The following ASMTL variants were observed in gnomAD, a reference collection of about 807,000 sequenced individuals.
The protein encoded by ASMTL is acetylserotonin O-methyltransferase like, also known as probable bifunctional dTTP/UTP pyrophosphatase/methyltransferase protein.
Under a neutral mutation model 60.3 loss-of-function variants are expected in ASMTL, and 57 were observed. That is an observed-to-expected ratio of 0.95 (90% CI 0.76 to 1.18). ASMTL has a LOEUF of 1.18. Among genes scored for constraint, ASMTL ranks in the 50% most tolerant of loss-of-function variants. The pLI, the probability that ASMTL is intolerant of heterozygous loss-of-function variation, is 0.00. For missense variants in ASMTL, 981 were observed against 852.6 expected (o/e 1.15, Z -1.88); for synonymous variants, 419 against 373.0 (o/e 1.12, Z -1.42).
chrX:1,418,040 G>A lies in ASMTL; in HGVS notation c.1455C>T (p.Asp485=). 1 of 1,613,654 alleles carries A rather than the reference G, an allele frequency of 6.2e-7. No homozygotes were observed. Among genetic ancestry groups the A allele is most frequent in the Non-Finnish European group, 8.5e-7 (1 of 1,179,688 alleles). ...RMQVTVFDLP[D]IIELAAHFQP... Reference sequence around the variant, plus strand: ...GGAAGTGGGCGGCCAGCTCGATAATGTCTGGGAGGTCAAACACAGTCACCT... The same window carrying A: ...GGAAGTGGGCGGCCAGCTCGATAATATCTGGGAGGTCAAACACAGTCACCT... Residue 485 remains aspartate (D), a synonymous_variant, in exon 11 of 13, where the codon GAC becomes GAT. Coordinates refer to ENST00000381317, the MANE Select transcript of ASMTL (RefSeq NM_004192.4).
Position 1,442,312 on chromosome X carries a change from G to A in ASMTL, c.99C>T (p.Leu33=). Residue 33 remains leucine, a synonymous_variant, in exon 2 of 13, where the codon CTC becomes CTT. Transcript: ENST00000381317. Reference sequence around the variant, plus strand: ...ACTTGGAGGGGACCACCTCAAACCTGAGACCCTGCAACAGTAGAAAAGGGG... The same window carrying A: ...ACTTGGAGGGGACCACCTCAAACCTAAGACCCTGCAACAGTAGAAAAGGGG... ...RRQEILSNAG[L]RFEVVPSKFK... 1.2e-6 allele frequency: 2 copies of A among 1,613,830 alleles called. No homozygotes were observed. Among genetic ancestry groups the A allele is most frequent in the Non-Finnish European group, 1.7e-6 (2 of 1,179,850 alleles).
chrX:1,403,591 C>T lies in ASMTL; in HGVS notation c.1646-102G>A. On this transcript the variant is annotated intron_variant, in intron 12 of 12. Transcript: ENST00000381317. ...GGCAACAGGAGCTCAGAACGGTGAG[C>T]AGAGGCTGCTGAGAACCCTTGGCCA... The T allele has an allele frequency of 1.2e-5, 13 of 1,106,820 alleles. No homozygotes were observed. In the South Asian group the frequency reaches 1.6e-4, roughly 13 times the overall value. 68.6% of individuals were successfully genotyped at this position (1,106,820 alleles called of 1,614,324 possible). A position where few individuals can be genotyped will look rare whatever the true frequency, so the allele number is the denominator to read the frequency against.
At chrX:1,450,037 CCCATCACCAGTAACTATCCTT>C (rs1217318887) in intron 1 of ASMTL, among the ~76,000 whole-genome samples, 29 of 150,924 alleles carry the variant, frequency 1.9e-4, no homozygotes, top group African/African-American at 5.6e-4. Flanking sequence ...GTAACTATCC[CCCATCACCAGTAACTATCCTT>C]CCATCACCAG....
At chrX:1,414,637 A>G (rs2090165491) in intron 11 of ASMTL, among the ~76,000 whole-genome samples, 1 of 151,950 alleles carries the variant, frequency 6.6e-6, no homozygotes, top group African/African-American at 2.4e-5. Context: ...GAACCCAGGA[A>G]GTGGAGGTTG....
intron 1 of ASMTL, 75 bp from the exon 2 acceptor site, chrX:1,442,392 C>A: frequency 6.4e-7 from 1 of 1,552,888 alleles, no homozygotes; most frequent in Non-Finnish European, 8.9e-7. Flanking sequence ...GCAAGATTTG[C>A]AGGACGCACA....
In ASMTL at chrX:1,416,880, C is replaced by T. The variant is rs1456001268; in HGVS notation, c.1522+1093G>A. ...ACATGTACACATATATCCACAGACA[C>T]GCAGACACACATACCCTCAGAGACA... On this transcript the variant is annotated intron_variant, in intron 11 of 12. Transcript: ENST00000381317. Among the ~76,000 whole-genome samples the T allele has an allele frequency of 6.0e-5, 9 of 151,166 alleles. No homozygotes were observed. In the South Asian group the frequency reaches 6.3e-4, roughly 11 times the overall value.
In ASMTL at chrX:1,452,418, C is replaced by T. The variant is rs750862966; in HGVS notation, c.93+330G>A. Among the ~76,000 whole-genome samples the T allele has an allele frequency of 4.3e-3, 649 of 150,034 alleles. 7 individuals carry two copies. Among genetic ancestry groups the T allele is most frequent in the African/African-American group, 0.015 (624 of 40,678 alleles). On this transcript the variant is annotated intron_variant, in intron 1 of 12. Coordinates refer to ENST00000381317, the MANE Select transcript of ASMTL (RefSeq NM_004192.4). ...GGCTCCGGGGTCACTCTGCTGTCCCCATCCCTAGCGGTCCTGGGTCACTCT... is the reference window on the plus strand; with the variant it reads ...GGCTCCGGGGTCACTCTGCTGTCCCTATCCCTAGCGGTCCTGGGTCACTCT...
At chrX:1,428,762 T>TTG (rs750546190) in intron 6 of ASMTL, among the ~76,000 whole-genome samples, 4,350 of 145,962 alleles carry the variant, frequency 0.03, 203 homozygotes, top group African/African-American at 0.089. Context: ...CATCTACGAA[T>TTG]TGTGTGTGTG....
At chrX:1,419,158 G>A (rs761898696) in intron 9 of ASMTL, 44 bp from the exon 10 acceptor site, 49 of 1,600,920 alleles carry the variant, frequency 3.1e-5, no homozygotes, top group Admixed American at 3.4e-5. Context: ...AACACGGGGC[G>A]AGGGCTCGCC....
In ASMTL at chrX:1,412,836, G is replaced by A; in HGVS notation, c.1541C>T (p.Pro514Leu). 2 of 1,613,868 alleles carry A rather than the reference G, an allele frequency of 1.2e-6. No individual in the cohort carries two copies. Among genetic ancestry groups the A allele is most frequent in the East Asian group, 2.2e-5 (1 of 44,878 alleles). Residue 514 changes from proline to leucine, a missense_variant, in exon 12 of 13, where the codon CCC becomes CTC. Coordinates refer to ENST00000381317, the MANE Select transcript of ASMTL (RefSeq NM_004192.4). ...HFAAGDFFRD[P>L]LPSAELYVLC... ...GACGTACAGCTCAGCGCTGGGGAGGGGGTCCCTGAAAAAGTCACCTGGTTT... is the reference window on the plus strand; with the variant it reads ...GACGTACAGCTCAGCGCTGGGGAGGAGGTCCCTGAAAAAGTCACCTGGTTT...
At chrX:1,420,482 G>A (rs376135428) in intron 9 of ASMTL, among the ~76,000 whole-genome samples, 88 of 152,180 alleles carry the variant, frequency 5.8e-4, no homozygotes, top group Middle Eastern at 6.8e-3. Flanking sequence ...CCCTGACTCC[G>A]TGCTCACTGC....
intron 11 of ASMTL, among the ~76,000 whole-genome samples, chrX:1,416,462 CGCAG>C (rs2090269807): frequency 1.4e-5 from 2 of 143,764 alleles, no homozygotes; most frequent in Non-Finnish European, 3.1e-5. Context: ...CAGATGGACA[CGCAG>C]ACACACATGG....
chrX:1,417,882 AAC>A (rs1336764878), intron 11 of ASMTL, 89 bp downstream of exon 11: 23 of 1,491,814 alleles, frequency 1.5e-5, no homozygotes, highest in East Asian at 6.9e-5. Flanking sequence ...CCCAGGCAGA[AAC>A]ACAGGTGCAC....
Position 1,450,864 on chromosome X carries a change from G to A in ASMTL, c.93+1884C>T, listed in dbSNP as rs181566124. Among the ~76,000 whole-genome samples, 860 of 135,002 alleles carry A rather than the reference G, an allele frequency of 6.4e-3. 6 individuals are homozygous for A. Among genetic ancestry groups the A allele is most frequent in the Middle Eastern group, 0.02 (4 of 204 alleles). The allele number at this position is 135,002 out of a possible 152,430, so 88.6% of individuals were successfully genotyped here. A position where few individuals can be genotyped will look rare whatever the true frequency, so the allele number is the denominator to read the frequency against. ...CACTCTCCCCTCCCCCATCCCTAGG[G>A]GTCCCGGGTCACTCTGCCCTCCCCC... On this transcript the variant is annotated intron_variant, in intron 1 of 12. Transcript: ENST00000381317.
At chrX:1,417,554 A>ACAG (rs2090336224) in intron 11 of ASMTL, among the ~76,000 whole-genome samples, 1 of 86,850 alleles carries the variant, frequency 1.2e-5, no homozygotes, top group Non-Finnish European at 2.4e-5. Context: ...CAGACACACA[A>ACAG]GCACGACAGT....
intron 8 of ASMTL, among the ~76,000 whole-genome samples, chrX:1,423,819 T>G (rs1485044169): frequency 8.0e-5 from 11 of 137,730 alleles, no homozygotes; most frequent in African/African-American, 2.9e-4. Flanking sequence ...CACCCAGCCA[T>G]GCACCCATCC....
In ASMTL at chrX:1,427,911, G is replaced by A. The variant is rs367833300; in HGVS notation, c.720C>T (p.Asp240=). ...TGGGCTCCGAGCCGCCCCCCTCCAC[G>A]TCACTGAGGTCTTCGAAGGTGTCCG... ...PAADTFEDLS[D]VEGGGSEPTQ... The change falls in exon 7 of 13, where the codon GAC becomes GAT. Residue 240 remains aspartate (D), a synonymous_variant. Transcript: ENST00000381317. 81 of 1,613,304 alleles carry A rather than the reference G, an allele frequency of 5.0e-5. No homozygotes were observed. The highest frequency in any genetic ancestry group is 4.5e-4 in the African/African-American group (34 of 75,054).
chrX:1,438,322 C>G (rs2091024853), intron 3 of ASMTL, among the ~76,000 whole-genome samples: 1 of 151,904 alleles, frequency 6.6e-6, no homozygotes, highest in Admixed American at 6.6e-5. Context: ...CACAGACACC[C>G]AGAGGGGAGA....
chrX:1,445,133 G>A (rs1569534860), intron 1 of ASMTL, among the ~76,000 whole-genome samples: 1 of 152,132 alleles, frequency 6.6e-6, no homozygotes, highest in African/African-American at 2.4e-5. Flanking sequence ...TGGTACCCAG[G>A]AAAAGTCAGG....
Sources: allele counts gnomAD v4.1 joint callset (sites outside exome capture counted in the v4.1 genomes callset), GRCh38; gene constraint gnomAD v4.1.1; transcripts MANE v1.5; gene names NCBI Gene and HGNC (gene_info 2026-07-23, HGNC 2026-07-21).